The following SEMA5A variants were observed in gnomAD, a reference collection of about 807,000 sequenced individuals.
The protein encoded by SEMA5A is semaphorin 5A.
SEMA5A carries 55 observed loss-of-function variants against 135.5 expected under a neutral mutation model. The ratio of observed to expected loss-of-function variants is 0.41; its 90% CI spans 0.33 to 0.51. SEMA5A has a LOEUF of 0.51. Ranked by LOEUF, SEMA5A falls within the 20% of genes least tolerant of loss-of-function variation. SEMA5A has a pLI of 0.37. For synonymous variants in SEMA5A, 580 were observed against 546.5 expected (o/e 1.06, Z -0.85); for missense variants, 1,290 against 1,419.9 (o/e 0.91, Z 1.47).
intron 16 of SEMA5A, among the ~76,000 whole-genome samples, chr5:9,072,506 A>G (rs570146825): frequency 6.6e-6 from 1 of 152,332 alleles, no homozygotes; most frequent in African/African-American, 2.4e-5. Flanking sequence ...GGAATAGGGA[A>G]AGATCTGCCT....
intron 16 of SEMA5A, among the ~76,000 whole-genome samples, chr5:9,076,022 T>C (rs1168225639): frequency 6.6e-6 from 1 of 151,928 alleles, no homozygotes; most frequent in Non-Finnish European, 1.5e-5. Flanking sequence ...CTGGTCAACA[T>C]GGTGAAACCC....
chr5:9,483,251 A>G (rs927913421), intron 1 of SEMA5A, among the ~76,000 whole-genome samples: 1 of 151,872 alleles, frequency 6.6e-6, no homozygotes, highest in Non-Finnish European at 1.5e-5. Flanking sequence ...TATCTTTCCA[A>G]GTATCTCTAT....
chr5:9,137,429 T>C (rs541003822), intron 12 of SEMA5A, among the ~76,000 whole-genome samples: 1 of 152,284 alleles, frequency 6.6e-6, no homozygotes, highest in African/African-American at 2.4e-5. Flanking sequence ...ATGAGGGCTG[T>C]GGCCTTTACA....
At chr5:9,349,081 G>C (rs1165718245) in intron 3 of SEMA5A, among the ~76,000 whole-genome samples, 1 of 152,212 alleles carries the variant, frequency 6.6e-6, no homozygotes, top group Non-Finnish European at 1.5e-5. Flanking sequence ...GGATTCAAGG[G>C]AAGAAGAAAG....
intron 2 of SEMA5A, among the ~76,000 whole-genome samples, chr5:9,437,341 T>G (rs1158125578): frequency 6.6e-6 from 1 of 151,094 alleles, no homozygotes; most frequent in Non-Finnish European, 1.5e-5. Context: ...TTTTTTTTTC[T>G]TTTCTTCTTT....
intron 5 of SEMA5A, among the ~76,000 whole-genome samples, chr5:9,272,373 T>C (rs1579760821): frequency 1.3e-5 from 2 of 152,072 alleles, no homozygotes; most frequent in Non-Finnish European, 2.9e-5. Context: ...CAGGGACTTA[T>C]AGATAAAACC....
chr5:9,345,148 TGTTTCAGAA>T (rs1753806116), intron 3 of SEMA5A, among the ~76,000 whole-genome samples: 1 of 151,882 alleles, frequency 6.6e-6, no homozygotes, highest in Admixed American at 6.5e-5. Flanking sequence ...AACCCACCCC[TGTTTCAGAA>T]AGGTAGTGGA....
intron 5 of SEMA5A, among the ~76,000 whole-genome samples, chr5:9,303,285 T>A (rs1459445604): frequency 6.6e-6 from 1 of 151,892 alleles, no homozygotes; most frequent in Non-Finnish European, 1.5e-5. Context: ...CCCGGCTAAT[T>A]TTTTGTATTT....
intron 5 of SEMA5A, among the ~76,000 whole-genome samples, chr5:9,316,040 A>G (rs1443362665): frequency 1.3e-5 from 2 of 152,116 alleles, no homozygotes; most frequent in Non-Finnish European, 2.9e-5. Flanking sequence ...TTCAATATTC[A>G]TTAGTTGGCA....
chr5:9,340,045 A>T (rs528017386), intron 3 of SEMA5A, among the ~76,000 whole-genome samples: 4 of 150,016 alleles, frequency 2.7e-5, no homozygotes, highest in African/African-American at 9.7e-5. Flanking sequence ...CAGGCATCAG[A>T]GTTTGAGGTG....
intron 2 of SEMA5A, among the ~76,000 whole-genome samples, chr5:9,384,121 T>C (rs1274234732): frequency 6.6e-6 from 1 of 152,144 alleles, no homozygotes; most frequent in Admixed American, 6.5e-5. Context: ...TACAGTAAGG[T>C]GACAGGAAAG....
Position 9,066,515 on chromosome 5 carries a change from G to T in SEMA5A, c.2205C>A (p.Ala735=). Residue 735 remains alanine (A), a synonymous_variant, in exon 17 of 23, where the codon GCC becomes GCA. Coordinates refer to ENST00000382496, the MANE Select transcript of SEMA5A (RefSeq NM_003966.3). ...YEQRFRYTCK[A]RLADPNLLEV... ...CCAGCAAATTCGGATCAGCCAGGCG[G>T]GCTTTGCATGTGTATCGGAATCGTT... is the stretch of plus-strand genomic sequence containing the variant. 6.2e-7 allele frequency: 1 copy of T among 1,614,158 alleles called. No individual in the cohort carries two copies. Among genetic ancestry groups the T allele is most frequent in the Non-Finnish European group, 8.5e-7 (1 of 1,180,034 alleles).
chr5:9,138,910 T>A (rs1166254381), intron 12 of SEMA5A, among the ~76,000 whole-genome samples: 1 of 152,246 alleles, frequency 6.6e-6, no homozygotes, highest in Non-Finnish European at 1.5e-5. Flanking sequence ...TCCAATCTCA[T>A]CCAGGTTACT....
intron 7 of SEMA5A, among the ~76,000 whole-genome samples, chr5:9,225,165 T>C (rs1448719564): frequency 6.6e-6 from 1 of 152,106 alleles, no homozygotes; most frequent in Admixed American, 6.5e-5. Context: ...ATTGTATATA[T>C]GCCTTTGATT....
chr5:9,377,539 CAA>C (rs527556974), intron 3 of SEMA5A, among the ~76,000 whole-genome samples: 1 of 132,326 alleles, frequency 7.6e-6, no homozygotes, highest in African/African-American at 2.8e-5. Context: ...TACGCGAGGA[CAA>C]AAAAAAAAGA....
intron 1 of SEMA5A, among the ~76,000 whole-genome samples, chr5:9,515,983 T>C (rs543170270): frequency 6.6e-6 from 1 of 152,232 alleles, no homozygotes; most frequent in Non-Finnish European, 1.5e-5. Context: ...TATCTGAATA[T>C]AGTTACGACA....
chr5:9,135,330 G>A (rs546922443), intron 13 of SEMA5A, among the ~76,000 whole-genome samples: 3 of 151,772 alleles, frequency 2.0e-5, no homozygotes, highest in African/African-American at 4.8e-5. Context: ...ACAGGCGCCC[G>A]CCACCACGCC....
chr5:9,445,161 G>A (rs965136233), intron 1 of SEMA5A, among the ~76,000 whole-genome samples: 69 of 152,244 alleles, frequency 4.5e-4, no homozygotes, highest in African/African-American at 1.4e-3. Flanking sequence ...TCCCAGTTTA[G>A]CATGCTGGAT....
chr5:9,091,849 G>T (rs1203062634), intron 16 of SEMA5A, among the ~76,000 whole-genome samples: 2 of 152,140 alleles, frequency 1.3e-5, no homozygotes, highest in African/African-American at 4.8e-5. Context: ...ATCACCATTT[G>T]TATGACAGTC....
Sources: allele counts gnomAD v4.1 joint callset (sites outside exome capture counted in the v4.1 genomes callset), GRCh38; gene constraint gnomAD v4.1.1; transcripts MANE v1.5; gene names NCBI Gene and HGNC (gene_info 2026-07-23, HGNC 2026-07-21).